Variants in ARHGEF3 observed in about 807,000 individuals in gnomAD.
The protein encoded by ARHGEF3 is Rho guanine nucleotide exchange factor 3.
ARHGEF3 carries 28 observed loss-of-function variants against 63.2 expected under a neutral mutation model. That is an observed-to-expected ratio of 0.44 (90% CI 0.33 to 0.61). The LOEUF is 0.61. Among genes scored for constraint, ARHGEF3 ranks in the 20% least tolerant of loss-of-function variants. The pLI is 0.03. For synonymous variants in ARHGEF3, 266 were observed against 254.2 expected (o/e 1.05, Z -0.44); for missense variants, 533 against 659.3 (o/e 0.81, Z 2.10).
At chr3:56,758,052 C>T (rs973725251) in intron 2 of ARHGEF3, among the ~76,000 whole-genome samples, 6 of 150,902 alleles carry the variant, frequency 4.0e-5, no homozygotes, top group Admixed American at 6.6e-5. Flanking sequence ...CTGAGGCGGG[C>T]GGATCACCTG....
At chr3:57,066,508 C>T (rs1705546703) in intron 1 of ARHGEF3, among the ~76,000 whole-genome samples, 3 of 152,238 alleles carry the variant, frequency 2.0e-5, no homozygotes, top group Admixed American at 2.0e-4. Flanking sequence ...AGTGATCCAT[C>T]CGCCTCGGCC....
At chr3:56,835,499 C>T (rs1309506097) in intron 4 of ARHGEF3, among the ~76,000 whole-genome samples, 3 of 151,900 alleles carry the variant, frequency 2.0e-5, no homozygotes, top group East Asian at 1.9e-4. Context: ...TTTAAAAGCA[C>T]GTGTACACCC....
In ARHGEF3 at chr3:56,824,139, T is replaced by C. The variant is rs1304759602; in HGVS notation, c.193-50323A>G. ...ACATCAGAGGAAAAAACACAAGAGA[T>C]AGTTTGCTTAACAGAGAGCTTTAAG... On this transcript the variant is annotated intron_variant, in intron 4 of 12. Coordinates refer to the ARHGEF3 transcript ENST00000338458. Among the ~76,000 whole-genome samples the C allele has an allele frequency of 3.3e-5, 5 of 152,214 alleles. No homozygotes were observed. The East Asian group carries it at 5.8e-4, about 18-fold the overall frequency.
intron 3 of ARHGEF3, among the ~76,000 whole-genome samples, chr3:56,898,397 G>C (rs1430520082): frequency 1.3e-5 from 2 of 151,670 alleles, no homozygotes; most frequent in Admixed American, 1.3e-4. Flanking sequence ...TTAGTGGAGA[G>C]GGGGTTTCAC....
At chr3:56,729,867 C>T (rs148899905) in intron 9 of ARHGEF3, among the ~76,000 whole-genome samples, 78 of 131,986 alleles carry the variant, frequency 5.9e-4, no homozygotes, top group African/African-American at 2.1e-3. Context: ...TGGAGATCAT[C>T]TTGGAACCAC....
chr3:56,885,588 C>T (rs2040897250), intron 3 of ARHGEF3, among the ~76,000 whole-genome samples: 1 of 151,802 alleles, frequency 6.6e-6, no homozygotes, highest in East Asian at 1.9e-4. Flanking sequence ...TCCTCACAGG[C>T]ATGCAGCCCT....
Position 57,006,975 on chromosome 3 carries a change from C to T in ARHGEF3, c.62+28113G>A, listed in dbSNP as rs114210765. ...ATCCAAGTGATATTCCACTGACACA[C>T]GGTGAGAATTTGGGCTGCTGGTTCT... On this transcript the variant is annotated intron_variant, in intron 2 of 12. Coordinates refer to the ARHGEF3 transcript ENST00000338458. Among the ~76,000 whole-genome samples the T allele has an allele frequency of 4.1e-3, 628 of 152,286 alleles. 2 individuals carry two copies. Among genetic ancestry groups the T allele is most frequent in the African/African-American group, 0.014 (587 of 41,552 alleles).
intron 3 of ARHGEF3, among the ~76,000 whole-genome samples, chr3:56,909,950 T>C (rs188778342): frequency 6.6e-6 from 1 of 152,284 alleles, no homozygotes; most frequent in East Asian, 1.9e-4. Context: ...ACATCATGTG[T>C]TTCTGCTTGC....
At position 56,752,114 on chromosome 3, in the gene ARHGEF3, GGTTTCACCAT is replaced by G. The variant is rs1301172050; in HGVS notation, c.439-728_439-719del. On this transcript the variant is annotated intron_variant, in intron 4 of 9. Transcript: ENST00000296315. ...TTTTTGTACTTTTTAGTAGAGACAG[GGTTTCACCAT>G]GTTGGCCAGGATGGTCTTGATCTCT... is the stretch of plus-strand genomic sequence containing the variant. Among the ~76,000 whole-genome samples, 65 of 152,054 alleles carry G rather than the reference GGTTTCACCAT, an allele frequency of 4.3e-4. 1 individual carries two copies. Among genetic ancestry groups the G allele is most frequent in the Middle Eastern group, 3.4e-3 (1 of 292 alleles).
intron 3 of ARHGEF3, among the ~76,000 whole-genome samples, 200 bp downstream of exon 3, chr3:56,754,781 C>T (rs1011418910): frequency 6.6e-6 from 1 of 152,148 alleles, no homozygotes; most frequent in African/African-American, 2.4e-5. Context: ...ACATCAGTTT[C>T]TTTTTAAAGT....
chr3:56,950,022 A>C (rs1392373988), intron 3 of ARHGEF3, among the ~76,000 whole-genome samples: 1 of 152,030 alleles, frequency 6.6e-6, no homozygotes, highest in African/African-American at 2.4e-5. Context: ...CAAAAACAAG[A>C]AAAGGGGGAA....
At chr3:56,743,999 A>C (rs996384054) in intron 7 of ARHGEF3, among the ~76,000 whole-genome samples, 3 of 151,674 alleles carry the variant, frequency 2.0e-5, no homozygotes, top group Admixed American at 6.6e-5. Context: ...ACCAACCAAC[A>C]AACAAAAAAA....
chr3:56,932,104 T>C (rs540238164), intron 3 of ARHGEF3, among the ~76,000 whole-genome samples: 8 of 152,330 alleles, frequency 5.3e-5, no homozygotes, highest in African/African-American at 1.9e-4. Flanking sequence ...TTTAGTCCAA[T>C]TCATTGCATT....
At chr3:56,785,157 G>A (rs1008750999) in intron 1 of ARHGEF3, among the ~76,000 whole-genome samples, 18 of 152,112 alleles carry the variant, frequency 1.2e-4, no homozygotes, top group Non-Finnish European at 2.5e-4. Context: ...ACCAATAACT[G>A]CTCTGGCCAC....
chr3:56,919,237 T>C lies in ARHGEF3; in HGVS notation c.130-36883A>G, dbSNP rs183997523. 2.6e-4 allele frequency among the ~76,000 whole-genome samples: 39 copies of C among 152,364 alleles called. 1 individual carries two copies. The East Asian group carries it at 6.7e-3, about 26-fold the overall frequency. On this transcript the variant is annotated intron_variant, in intron 3 of 12. Coordinates refer to the ARHGEF3 transcript ENST00000338458. ...CTCTCAATTTGTAAATGCTGGCAAC[T>C]ATTCATCACCATAAGAAGTACTGTA...
intron 2 of ARHGEF3, among the ~76,000 whole-genome samples, chr3:56,995,671 G>T (rs1049835322): frequency 4.7e-5 from 6 of 128,534 alleles, no homozygotes; most frequent in Admixed American, 2.4e-4. Flanking sequence ...GAGAGAGAGA[G>T]AATTTTTTTT....
intron 4 of ARHGEF3, among the ~76,000 whole-genome samples, chr3:56,812,540 T>C (rs1328532540): frequency 6.6e-6 from 1 of 152,238 alleles, no homozygotes; most frequent in Non-Finnish European, 1.5e-5. Flanking sequence ...TTTCTTTCAT[T>C]CCCTTCTCTA....
chr3:57,042,700 A>ATTTTTTTTTTTTTTTTT (rs869145503), intron 1 of ARHGEF3, among the ~76,000 whole-genome samples: 5 of 66,112 alleles, frequency 7.6e-5, no homozygotes, highest in Admixed American at 5.1e-4. Context: ...ATATATATAT[A>ATTTTTTTTTTTTTTTTT]TTTTTTTTTT....
At chr3:56,932,441 C>T (rs1262850320) in intron 3 of ARHGEF3, among the ~76,000 whole-genome samples, 1 of 152,070 alleles carries the variant, frequency 6.6e-6, no homozygotes, top group Non-Finnish European at 1.5e-5. Flanking sequence ...TTAAAACATA[C>T]CAATAAACAT....
Sources: gnomAD v4.1 joint callset for allele counts (sites outside exome capture counted in the v4.1 genomes callset) on GRCh38, gnomAD v4.1.1 for gene constraint, MANE v1.5 for transcripts, NCBI Gene and HGNC (gene_info 2026-07-23, HGNC 2026-07-21) for gene names.